CSNK1G1: variants seen among roughly 807,000 people sequenced by gnomAD.
The protein encoded by CSNK1G1 is casein kinase 1 gamma 1, also known as casein kinase I isoform gamma-1.
Under a neutral mutation model 59.6 loss-of-function variants are expected in CSNK1G1, and 22 were observed. The observed-to-expected ratio is 0.37, with a 90% CI of 0.26 to 0.53. The LOEUF is 0.53. CSNK1G1 is among the 20% of genes least tolerant of loss of function. The probability of loss-of-function intolerance (pLI) is 0.89; values close to 1 mark genes in which losing one functional copy is unlikely to be tolerated. For synonymous variants in CSNK1G1, 179 were observed against 177.1 expected (o/e 1.01, Z -0.08); for missense variants, 384 against 519.5 (o/e 0.74, Z 2.54).
intron 6 of CSNK1G1, among the ~76,000 whole-genome samples, chr15:64,213,547 G>A (rs2082274319): frequency 6.6e-6 from 1 of 152,084 alleles, no homozygotes; most frequent in South Asian, 2.1e-4. Flanking sequence ...CCAGCCTGAT[G>A]TCCTCTTCAG....
intron 1 of CSNK1G1, among the ~76,000 whole-genome samples, chr15:64,326,228 G>C (rs980902877): frequency 6.6e-6 from 1 of 152,108 alleles, no homozygotes; most frequent in Non-Finnish European, 1.5e-5. Flanking sequence ...GTTTTGCCAT[G>C]TTGCTCAGGC....
intron 10 of CSNK1G1, among the ~76,000 whole-genome samples, chr15:64,199,655 A>T (rs919278178): frequency 6.6e-6 from 1 of 152,054 alleles, no homozygotes; most frequent in Non-Finnish European, 1.5e-5. Flanking sequence ...AGGAGTTCGC[A>T]ACCAGCCTGG....
chr15:64,319,820 G>A (rs1896464828), intron 1 of CSNK1G1, among the ~76,000 whole-genome samples: 1 of 151,460 alleles, frequency 6.6e-6, no homozygotes, highest in Admixed American at 6.6e-5. Context: ...CCCTGTATTC[G>A]TGTTACAGAC....
At chr15:64,193,424 C>T (rs1567365495) in intron 10 of CSNK1G1, among the ~76,000 whole-genome samples, 1 of 146,220 alleles carries the variant, frequency 6.8e-6, no homozygotes, top group Non-Finnish European at 1.5e-5. Flanking sequence ...ACCTGGGAGG[C>T]GGAGGTTGCA....
chr15:64,311,495 AT>A (rs1895992990), intron 1 of CSNK1G1, among the ~76,000 whole-genome samples: 1 of 152,160 alleles, frequency 6.6e-6, no homozygotes, highest in Non-Finnish European at 1.5e-5. Context: ...AAATCAACAA[AT>A]ATTTTGTGAA....
chr15:64,192,380 G>A (rs139894985), intron 10 of CSNK1G1, among the ~76,000 whole-genome samples: 3 of 152,306 alleles, frequency 2.0e-5, no homozygotes, highest in Admixed American at 6.5e-5. Flanking sequence ...TCACCTTCAT[G>A]GAAATGATTG....
Position 64,166,360 on chromosome 15 carries a change from GTTA to G in CSNK1G1, c.*5568_*5570del, listed in dbSNP as rs1036047154. 1 of 200,270 alleles carries G rather than the reference GTTA, an allele frequency of 5.0e-6. No individual in the cohort carries two copies. The highest frequency in any genetic ancestry group is 2.3e-5 in the African/African-American group (1 of 43,330). The allele number at this position is 200,270 out of a possible 1,614,324, so 12.4% of individuals were successfully genotyped here. On this transcript the variant is annotated 3_prime_UTR_variant, in exon 12 of 12. Coordinates refer to ENST00000303052, the MANE Select transcript of CSNK1G1 (RefSeq NM_022048.5). The surrounding 1 kb of genome is among the most constrained non-coding windows in gnomAD (Gnocchi z 4.5). ...TTGGTTTATCTTTATCTTTTCTGCTGTTATTTTTTTTCTCTGCTTGATAAAATG... is the reference window on the plus strand; with the variant it reads ...TTGGTTTATCTTTATCTTTTCTGCTGTTTTTTTTCTCTGCTTGATAAAATG...
In CSNK1G1 at chr15:64,347,950, G is replaced by C. The variant is rs529738948; in HGVS notation, c.-225+8038C>G. ...GAACCCAGGAGGCGGAGGTTTCAGT[G>C]AGCTGATATCCCGCCACTGCACTCC... On this transcript the variant is annotated intron_variant, in intron 1 of 11. Transcript: ENST00000303052. Among the ~76,000 whole-genome samples the C allele has an allele frequency of 3.3e-5, 5 of 151,124 alleles. No homozygotes were observed. In the South Asian group the frequency reaches 1.0e-3, roughly 32 times the overall value.
At chr15:64,227,792 C>A (rs1406160089) in intron 4 of CSNK1G1, among the ~76,000 whole-genome samples, 2 of 152,176 alleles carry the variant, frequency 1.3e-5, no homozygotes, top group Admixed American at 6.5e-5. Context: ...TGTGTGAAAT[C>A]TCCTAGGTTC....
intron 4 of CSNK1G1, among the ~76,000 whole-genome samples, chr15:64,219,924 C>T (rs1484811092): frequency 1.3e-5 from 2 of 151,796 alleles, no homozygotes; most frequent in African/African-American, 2.4e-5. Context: ...CAGGCACGTA[C>T]CACCACACCT....
intron 2 of CSNK1G1, among the ~76,000 whole-genome samples, chr15:64,261,103 T>C (rs1479993862): frequency 2.6e-5 from 4 of 152,146 alleles, no homozygotes; most frequent in Admixed American, 2.6e-4. Context: ...ACCAAAGCCA[T>C]TTTAAAATAT....
intron 2 of CSNK1G1, among the ~76,000 whole-genome samples, chr15:64,273,542 T>C (rs977803315): frequency 2.0e-5 from 3 of 152,244 alleles, no homozygotes; most frequent in African/African-American, 7.2e-5. Context: ...AGGACTAGAA[T>C]AGGATCTTCA....
chr15:64,259,826 T>C (rs1176168659), intron 2 of CSNK1G1, among the ~76,000 whole-genome samples: 2 of 152,206 alleles, frequency 1.3e-5, no homozygotes, highest in African/African-American at 2.4e-5. Context: ...CAGACTTATA[T>C]CTTTAACTAT....
intron 4 of CSNK1G1, among the ~76,000 whole-genome samples, chr15:64,236,091 T>C (rs143820402): frequency 2.7e-4 from 37 of 137,962 alleles, no homozygotes; most frequent in African/African-American, 9.1e-4. Flanking sequence ...GGCAGTGAGC[T>C]GAGATTGTGC....
chr15:64,190,021 C>T (rs930941166), intron 10 of CSNK1G1, among the ~76,000 whole-genome samples: 6 of 152,034 alleles, frequency 3.9e-5, no homozygotes, highest in Admixed American at 1.3e-4. Flanking sequence ...AGGGTTTCAC[C>T]GTGTTAGCCA....
chr15:64,299,531 G>A lies in CSNK1G1; in HGVS notation c.181+788C>T, dbSNP rs184563720. Among the ~76,000 whole-genome samples, 460 of 151,744 alleles carry A rather than the reference G, an allele frequency of 3.0e-3. 1 individual carries two copies. Among genetic ancestry groups the A allele is most frequent in the African/African-American group, 0.011 (443 of 41,378 alleles). On this transcript the variant is annotated intron_variant, in intron 2 of 11. Transcript: ENST00000303052. ...GGCATGAACCCGGGAGGCAGAGCTT[G>A]CAGTGAGCCGAGATCGCGCCACTGC...
intron 2 of CSNK1G1, among the ~76,000 whole-genome samples, chr15:64,295,286 C>G (rs1894961590): frequency 1.3e-5 from 2 of 152,164 alleles, no homozygotes; most frequent in South Asian, 4.1e-4. Flanking sequence ...TTTATATACA[C>G]TGCTCGAGGT....
In CSNK1G1 at chr15:64,265,500, G is replaced by C. The variant is rs545257114; in HGVS notation, c.182-6259C>G. On this transcript the variant is annotated intron_variant, in intron 2 of 11. Coordinates refer to ENST00000303052, the MANE Select transcript of CSNK1G1 (RefSeq NM_022048.5). ...CTGCTGCCATGTAAGATGTGACTTT[G>C]CTCCTCCTTTGCTTTCTGCCATGAT... Among the ~76,000 whole-genome samples the C allele has an allele frequency of 4.6e-5, 7 of 152,212 alleles. No homozygotes were observed. The East Asian group carries it at 1.3e-3, about 29-fold the overall frequency.
At chr15:64,302,111 T>A (rs1205256142) in intron 1 of CSNK1G1, among the ~76,000 whole-genome samples, 1 of 152,140 alleles carries the variant, frequency 6.6e-6, no homozygotes, top group Non-Finnish European at 1.5e-5. Context: ...ATTTATTTAT[T>A]TATTTTTGAG....
Sources: gnomAD v4.1 joint callset for allele counts (sites outside exome capture counted in the v4.1 genomes callset) on GRCh38, gnomAD v4.1.1 for gene constraint, Gnocchi (gnomAD v3.1) non-coding constraint, MANE v1.5 for transcripts, NCBI Gene and HGNC (gene_info 2026-07-23, HGNC 2026-07-21) for gene names.